GALNT1: variants seen among roughly 807,000 people sequenced by gnomAD.
GALNT1 encodes polypeptide N-acetylgalactosaminyltransferase 1, also known as GalNAc transferase 1.
GALNT1 carries 17 observed loss-of-function variants against 65.7 expected under a neutral mutation model. That is an observed-to-expected ratio of 0.26 (90% CI 0.18 to 0.39). The LOEUF (loss-of-function observed/expected upper bound fraction) is 0.39. Ranked by LOEUF, GALNT1 falls within the 10% of genes least tolerant of loss-of-function variation. The pLI, the probability that GALNT1 is intolerant of heterozygous loss-of-function variation, is 1.00. For synonymous variants in GALNT1, 210 were observed against 219.7 expected (o/e 0.96, Z 0.39); for missense variants, 460 against 672.8 (o/e 0.68, Z 3.50).
chr18:35,605,692 A>G (rs2046638395), intron 1 of GALNT1, among the ~76,000 whole-genome samples: 1 of 152,018 alleles, frequency 6.6e-6, no homozygotes, highest in African/African-American at 2.4e-5. Context: ...AGAGAATAGT[A>G]TAATGAACCC....
intron 1 of GALNT1, among the ~76,000 whole-genome samples, chr18:35,615,069 G>A (rs2046766441): frequency 6.6e-6 from 1 of 151,946 alleles, no homozygotes; most frequent in African/African-American, 2.4e-5. Flanking sequence ...AAAACACCCA[G>A]CAGGGTATGG....
intron 1 of GALNT1, among the ~76,000 whole-genome samples, chr18:35,637,094 C>G (rs1373604654): frequency 6.6e-6 from 1 of 152,108 alleles, no homozygotes; most frequent in East Asian, 1.9e-4. Context: ...TTCCCTGTCT[C>G]TCTCCCTCTC....
chr18:35,689,183 A>G lies in GALNT1; in HGVS notation c.871A>G (p.Met291Val). The G allele has an allele frequency of 1.2e-6, 2 of 1,604,674 alleles. No homozygotes were observed. Among genetic ancestry groups the G allele is most frequent in the Non-Finnish European group, 1.7e-6 (2 of 1,171,892 alleles). The part of the protein sequence containing the change: ...DRTLPVRTPT[M>V]AGGLFSIDRD... ...ATTATTGAATTTCAGGACACCTACC[A>G]TGGCAGGAGGCCTTTTTTCAATAGA... Residue 291 changes from methionine (M) to valine (V), a missense_variant, in exon 7 of 12, where the codon ATG (methionine) becomes GTG (valine). By Grantham distance (21) the Met-to-Val change is conservative. Transcript: ENST00000269195.
chr18:35,637,905 A>C (rs1021091630), intron 1 of GALNT1, among the ~76,000 whole-genome samples: 6 of 152,230 alleles, frequency 3.9e-5, no homozygotes, highest in Non-Finnish European at 7.3e-5. Flanking sequence ...TAAGAATTAC[A>C]CTAAATCTAT....
At chr18:35,622,644 C>T (rs905068940) in intron 1 of GALNT1, among the ~76,000 whole-genome samples, 2 of 152,144 alleles carry the variant, frequency 1.3e-5, no homozygotes, top group African/African-American at 4.8e-5. Context: ...AGTTCTTGTT[C>T]TAATTGTCTT....
intron 5 of GALNT1, among the ~76,000 whole-genome samples, chr18:35,685,315 A>T (rs968359994): frequency 6.6e-6 from 1 of 152,202 alleles, no homozygotes; most frequent in South Asian, 2.1e-4. Context: ...CGTTTAATAC[A>T]TCCCATTAAT....
intron 1 of GALNT1, among the ~76,000 whole-genome samples, chr18:35,594,056 A>G (rs1437462535): frequency 7.5e-6 from 1 of 133,242 alleles, no homozygotes; most frequent in Non-Finnish European, 1.6e-5. Flanking sequence ...TGATTTTGGC[A>G]GTTAAATCAG....
chr18:35,677,732 T>C lies in GALNT1; in HGVS notation c.456T>C (p.Val152=). The change falls in exon 4 of 12, where the codon GTT becomes GTC. Residue 152 remains valine (V), a synonymous_variant. Transcript: ENST00000269195. ...CAAGACACATGATAGAAGAAATTGT[T>C]CTAGTAGATGATGCCAGTGAAAGAG... is the stretch of plus-strand genomic sequence containing the variant. The part of the protein sequence containing the change: ...RSPRHMIEEI[V]LVDDASERDF... 1 of 1,607,714 alleles carries C rather than the reference T, an allele frequency of 6.2e-7. No homozygotes were observed. The highest frequency in any genetic ancestry group is 8.5e-7 in the Non-Finnish European group (1 of 1,176,174).
Position 35,663,805 on chromosome 18 carries a change from A to T in GALNT1, c.314+3A>T. ...TTACCAGATGTTAGGTTAGAAGGGT[A>T]AGTACTTACTGTGGTCCTGATAGTA... is the stretch of plus-strand genomic sequence containing the variant. On this transcript the variant is annotated splice_donor_region_variant and intron_variant, in intron 3 of 11. Coordinates refer to ENST00000269195, the MANE Select transcript of GALNT1 (RefSeq NM_020474.4). The T allele has an allele frequency of 6.2e-7, 1 of 1,612,756 alleles. No individual in the cohort carries two copies. The highest frequency in any genetic ancestry group is 1.1e-5 in the South Asian group (1 of 90,962).
Position 35,698,376 on chromosome 18 carries a change from C to T in GALNT1, c.1300-4521C>T, listed in dbSNP as rs543942182. Among the ~76,000 whole-genome samples, 8 of 151,456 alleles carry T rather than the reference C, an allele frequency of 5.3e-5. No individual in the cohort carries two copies. The South Asian group carries it at 8.4e-4, about 16-fold the overall frequency. ...CCCAGCTACTCGGGAGGCTGAGGCG[C>T]GAGAATTGCTTGAACCTTGGGGGTA... On this transcript the variant is annotated intron_variant, in intron 9 of 11. Transcript: ENST00000269195.
At chr18:35,621,704 C>G (rs12955527) in intron 1 of GALNT1, among the ~76,000 whole-genome samples, 1 of 152,114 alleles carries the variant, frequency 6.6e-6, no homozygotes, top group East Asian at 1.9e-4. Context: ...TCTTCCTGAT[C>G]TAATGACGTG....
intron 5 of GALNT1, 87 bp from the exon 6 acceptor site, chr18:35,686,925 AAAAT>A (rs748833932): frequency 1.7e-5 from 22 of 1,289,470 alleles, no homozygotes; most frequent in Non-Finnish European, 2.3e-5. Flanking sequence ...GAAAAAATAA[AAAAT>A]AAAAACACTT....
At chr18:35,705,600 G>A (rs2048243769) in intron 11 of GALNT1, among the ~76,000 whole-genome samples, 1 of 152,202 alleles carries the variant, frequency 6.6e-6, no homozygotes, top group South Asian at 2.1e-4. Flanking sequence ...AGGGTATGTA[G>A]CATCTCTGGC....
rs113623466 is a variant in GALNT1, at chr18:35,593,555, GA to G, written c.-104+11694del. On this transcript the variant is annotated intron_variant, in intron 1 of 11. Transcript: ENST00000269195. ...AGGTATATGAGAGTCACTGAGGGGT[GA>G]CGGGGGACAAGGAAGGTCAACTGTG... 6.3e-3 allele frequency among the ~76,000 whole-genome samples: 963 copies of G among 152,182 alleles called. 18 individuals are homozygous for G. Among genetic ancestry groups the G allele is most frequent in the African/African-American group, 0.022 (913 of 41,504 alleles).
At chr18:35,648,793 A>G (rs2047270639) in intron 1 of GALNT1, among the ~76,000 whole-genome samples, 2 of 152,208 alleles carry the variant, frequency 1.3e-5, no homozygotes, top group African/African-American at 2.4e-5. Context: ...GTTCAGTTGT[A>G]TAAGTTTATA....
intron 1 of GALNT1, among the ~76,000 whole-genome samples, chr18:35,623,314 AT>A (rs970423085): frequency 1.3e-5 from 2 of 149,552 alleles, no homozygotes; most frequent in South Asian, 2.1e-4. Context: ...CTGTACATAC[AT>A]TTTTTTTTCC....
chr18:35,622,177 C>T (rs2046860945), intron 1 of GALNT1, among the ~76,000 whole-genome samples: 1 of 152,034 alleles, frequency 6.6e-6, no homozygotes, highest in Non-Finnish European at 1.5e-5. Context: ...AGAAATCCTT[C>T]CACACATAAA....
At chr18:35,669,738 A>G (rs1273440070) in intron 3 of GALNT1, among the ~76,000 whole-genome samples, 1 of 152,212 alleles carries the variant, frequency 6.6e-6, no homozygotes, top group African/African-American at 2.4e-5. Context: ...ATATTTAATA[A>G]TAATGTTGTA....
intron 7 of GALNT1, among the ~76,000 whole-genome samples, chr18:35,690,727 A>G (rs1406171945): frequency 2.0e-5 from 3 of 152,218 alleles, no homozygotes; most frequent in African/African-American, 4.8e-5. Context: ...GCCGGAGCCC[A>G]TCATGTGCCC....
Sources: gnomAD v4.1 joint callset for allele counts (sites outside exome capture counted in the v4.1 genomes callset) on GRCh38, gnomAD v4.1.1 for gene constraint, MANE v1.5 for transcripts, NCBI Gene and HGNC (gene_info 2026-07-23, HGNC 2026-07-21) for gene names.